PDK2: variants seen among roughly 807,000 people sequenced by gnomAD.
The protein encoded by PDK2 is pyruvate dehydrogenase kinase 2, also known as pyruvate dehydrogenase kinase, isozyme 2.
A neutral mutation model predicts 50.4 loss-of-function variants in PDK2; 34 were observed. The observed-to-expected ratio is 0.68, with a 90% confidence interval of 0.51 to 0.90. PDK2 has a LOEUF of 0.90. Among genes scored for constraint, PDK2 ranks in the 40% least tolerant of loss-of-function variants. The pLI is 0.00. For synonymous variants in PDK2, 232 were observed against 216.0 expected (o/e 1.07, Z -0.65); for missense variants, 377 against 544.5 (o/e 0.69, Z 3.06).
chr17:50,095,420 C>G lies in PDK2; in HGVS notation c.-16C>G, dbSNP rs772436126. The G allele has an allele frequency of 6.3e-7, 1 of 1,581,312 alleles. No homozygotes were observed. Among genetic ancestry groups the G allele is most frequent in the Non-Finnish European group, 8.6e-7 (1 of 1,159,920 alleles). ...CCCGCGCGGGGACCACAACCAAAGT[C>G]GCGGCCGCCGCAGCCATGCGCTGGG... On this transcript the variant is annotated 5_prime_UTR_variant, in exon 1 of 11. Transcript: ENST00000503176.
At position 50,102,445 on chromosome 17, in the gene PDK2, C is replaced by T. The variant is rs201875825; in HGVS notation, c.261-2926C>T. 4.6e-5 allele frequency among the ~76,000 whole-genome samples: 7 copies of T among 152,258 alleles called. No homozygotes were observed. In the East Asian group the frequency reaches 1.4e-3, roughly 29 times the overall value. ...GTGAGACTGGGACTTTGACCATGCC[C>T]ACCCCCACCCACTGCCCAGCACAGT... is the stretch of plus-strand genomic sequence containing the variant. On this transcript the variant is annotated intron_variant, in intron 2 of 10. Coordinates refer to ENST00000503176, the MANE Select transcript of PDK2 (RefSeq NM_002611.5).
chr17:50,107,750 G>C (rs951954970), intron 6 of PDK2, among the ~76,000 whole-genome samples: 1 of 152,188 alleles, frequency 6.6e-6, no homozygotes, highest in African/African-American at 2.4e-5. Context: ...CAAGTGATGG[G>C]AAGGAAATAA....
At chr17:50,106,406 C>G in intron 4 of PDK2, 2 of 418,926 alleles carry the variant, frequency 4.8e-6, no homozygotes, top group Non-Finnish European at 7.8e-6. Flanking sequence ...CAGGAGGATT[C>G]ACTATGATTT....
intron 1 of PDK2, chr17:50,096,223 C>T: frequency 1.0e-6 from 1 of 985,506 alleles, no homozygotes; most frequent in Non-Finnish European, 1.2e-6. Flanking sequence ...TGGGCAGGGG[C>T]CCCAGGCACC....
intron 5 of PDK2, 68 bp from the exon 6 acceptor site, chr17:50,107,008 T>C (rs1222216029): frequency 1.4e-5 from 20 of 1,473,614 alleles, no homozygotes; most frequent in Non-Finnish European, 1.8e-5. Context: ...TGGTCCCCAG[T>C]ATCAATGTCA....
chr17:50,096,498 G>A (rs903107701), intron 1 of PDK2, among the ~76,000 whole-genome samples: 4 of 152,142 alleles, frequency 2.6e-5, no homozygotes, highest in East Asian at 1.9e-4. Flanking sequence ...ATGATGGGAC[G>A]GGAACAGAGA....
chr17:50,095,435 C>A lies in PDK2; in HGVS notation c.-1C>A. 1 of 1,598,122 alleles carries A rather than the reference C, an allele frequency of 6.3e-7. No individual in the cohort carries two copies. ...CAACCAAAGTCGCGGCCGCCGCAGC[C>A]ATGCGCTGGGTGTGGGCGCTGCTGA... On this transcript the variant is annotated 5_prime_UTR_variant, in exon 1 of 11. Coordinates refer to ENST00000503176, the MANE Select transcript of PDK2 (RefSeq NM_002611.5).
Position 50,106,089 on chromosome 17 carries a change from G to T in PDK2, c.517+20G>T. On this transcript the variant is annotated intron_variant, in intron 4 of 10. Transcript: ENST00000503176. ...AGCACAGTGGGTGCCGGCCACAGCG[G>T]CGGGGAGCGGGCGGTGGGGGGGGCG... is the stretch of plus-strand genomic sequence containing the variant. The T allele has an allele frequency of 6.3e-7, 1 of 1,577,578 alleles. No individual in the cohort carries two copies.
At chr17:50,108,870 C>T (rs908935136) in intron 9 of PDK2, 151 bp downstream of exon 9, 4 of 614,634 alleles carry the variant, frequency 6.5e-6, no homozygotes, top group Non-Finnish European at 1.2e-5. Context: ...CCACATCTCC[C>T]CAGTCTGCAC....
At chr17:50,106,339 A>T (rs1910515495) in intron 4 of PDK2, 1 of 809,306 alleles carries the variant, frequency 1.2e-6, no homozygotes, top group Admixed American at 3.4e-5. Context: ...TTAATTTAGT[A>T]TTTATAAAAA....
Position 50,107,172 on chromosome 17 carries a change from G to T in PDK2, c.685+19G>T. The T allele has an allele frequency of 6.2e-7, 1 of 1,607,768 alleles. No homozygotes were observed. Among genetic ancestry groups the T allele is most frequent in the South Asian group, 1.1e-5 (1 of 90,936 alleles). Reference sequence around the variant, plus strand: ...ATCAATGGTGAGTGAGCGGGGCTGTGTATGTGTCTGTCTTGGGGCTGGGGA... The same window carrying T: ...ATCAATGGTGAGTGAGCGGGGCTGTTTATGTGTCTGTCTTGGGGCTGGGGA... On this transcript the variant is annotated intron_variant, in intron 6 of 10. Coordinates refer to ENST00000503176, the MANE Select transcript of PDK2 (RefSeq NM_002611.5).
At chr17:50,103,029 C>T (rs904462285) in intron 2 of PDK2, among the ~76,000 whole-genome samples, 2 of 152,212 alleles carry the variant, frequency 1.3e-5, no homozygotes, top group Admixed American at 6.5e-5. Context: ...ACCTTGTGCT[C>T]ATCAAGGCTG....
At chr17:50,103,311 C>G (rs149748761) in intron 2 of PDK2, among the ~76,000 whole-genome samples, 3 of 152,178 alleles carry the variant, frequency 2.0e-5, no homozygotes, top group African/African-American at 7.2e-5. Flanking sequence ...GAGACAGCCC[C>G]CTTCGTGTGG....
Position 50,111,762 on chromosome 17 carries a change from A to C in PDK2, c.*1665A>C, listed in dbSNP as rs1297134532. On this transcript the variant is annotated 3_prime_UTR_variant, in exon 11 of 11. Coordinates refer to ENST00000503176, the MANE Select transcript of PDK2 (RefSeq NM_002611.5). ...AACACTTCCTCCAAGGACATTTCCT[A>C]AAAAGGACACATGCTGTCCCCAGGC... 2.0e-5 allele frequency: 3 copies of C among 152,282 alleles called. No individual in the cohort carries two copies. The highest frequency in any genetic ancestry group is 7.2e-5 in the African/African-American group (3 of 41,432). 9.4% of individuals were successfully genotyped at this position (152,282 alleles called of 1,614,324 possible).
At position 50,101,029 on chromosome 17, in the gene PDK2, G is replaced by A. The variant is rs559476055; in HGVS notation, c.260+3465G>A. On this transcript the variant is annotated intron_variant, in intron 2 of 10. Transcript: ENST00000503176. The surrounding 1 kb of genome is among the most constrained non-coding windows in gnomAD (Gnocchi z 4.2). ...CTCCTCTCCAGGCGTGGAGTCTGTG[G>A]GGATGTGCTTCCAGAAAATGCAGGG... 1.3e-5 allele frequency: 2 copies of A among 152,386 alleles called. No individual in the cohort carries two copies. Among genetic ancestry groups the A allele is most frequent in the Admixed American group, 6.5e-5 (1 of 15,306 alleles). 9.4% of individuals were successfully genotyped at this position (152,386 alleles called of 1,614,324 possible).
In PDK2 at chr17:50,101,635, C is replaced by G. The variant is rs956950423; in HGVS notation, c.261-3736C>G. Among the ~76,000 whole-genome samples, 1 of 152,288 alleles carries G rather than the reference C, an allele frequency of 6.6e-6. No homozygotes were observed. The highest frequency in any genetic ancestry group is 1.9e-4 in the East Asian group (1 of 5,180). On this transcript the variant is annotated intron_variant, in intron 2 of 10. Transcript: ENST00000503176. The surrounding 1 kb of genome is among the most constrained non-coding windows in gnomAD (Gnocchi z 4.2). ...ATGCACACAATTACACACACTCCCC[C>G]GCTGGCTCAGCACCCCCTCTGCTCC...
Position 50,108,733 on chromosome 17 carries a change from A to C in PDK2, c.969+14A>C, listed in dbSNP as rs1598215938. The C allele has an allele frequency of 1.3e-6, 2 of 1,528,592 alleles. No individual in the cohort carries two copies. The allele number at this position is 1,528,592 out of a possible 1,614,324, so 94.7% of individuals were successfully genotyped here. ...GGAACGCCGCTGGTGAGATGGCTTC[A>C]CCCCAGCCCCTCCCACCTCCTGAGG... On this transcript the variant is annotated intron_variant, in intron 9 of 10. Transcript: ENST00000503176.
intron 4 of PDK2, chr17:50,106,570 C>T (rs1408017460): frequency 3.3e-5 from 19 of 581,530 alleles, no homozygotes; most frequent in South Asian, 1.3e-4. Flanking sequence ...TCTGAAAAGA[C>T]GTCTGTTTCA....
upstream of PDK2, chr17:50,094,935 T>G: frequency 6.5e-6 from 1 of 154,220 alleles, no homozygotes; most frequent in Non-Finnish European, 1.4e-5. Context: ...TACCTTTGAG[T>G]TGGAGAAAAG....
Sources: allele counts gnomAD v4.1 joint callset (sites outside exome capture counted in the v4.1 genomes callset), GRCh38; gene constraint gnomAD v4.1.1; non-coding constraint Gnocchi (gnomAD v3.1); transcripts MANE v1.5; gene names NCBI Gene and HGNC (gene_info 2026-07-23, HGNC 2026-07-21).